TAF4B: variants seen among roughly 807,000 people sequenced by gnomAD.
TAF4B encodes the protein TATA-box binding protein associated factor 4b, also known as transcription initiation factor TFIID subunit 4B.
In TAF4B, 38 loss-of-function variants were observed where a neutral mutation model predicts 86.4. The observed-to-expected ratio is 0.44, with a 90% confidence interval of 0.34 to 0.58. The LOEUF (loss-of-function observed/expected upper bound fraction) is 0.58. TAF4B is among the 20% of genes least tolerant of loss of function. The pLI, the probability that TAF4B is intolerant of heterozygous loss-of-function variation, is 0.02. For missense variants in TAF4B, 988 were observed against 1,027.6 expected, an observed-to-expected ratio of 0.96 and a Z score of 0.53; for synonymous variants, 388 against 391.2, an observed-to-expected ratio of 0.99 and a Z score of 0.10.
intron 9 of TAF4B, among the ~76,000 whole-genome samples, chr18:26,295,988 TTGTGTGTG>T (rs34047998): frequency 1.3e-4 from 19 of 150,106 alleles, no homozygotes; most frequent in Admixed American, 1.2e-3. Flanking sequence ...GTTCACGATT[TTGTGTGTG>T]TGTGTGTGTG....
chr18:26,321,638 TGTTAAAG>T, intron 11 of TAF4B, among the ~76,000 whole-genome samples: 2 of 152,054 alleles, frequency 1.3e-5, no homozygotes, highest in Non-Finnish European at 2.9e-5. Context: ...GTATACAACG[TGTTAAAG>T]ATACACATGT....
At chr18:26,244,039 A>C (rs1371147471) in intron 1 of TAF4B, among the ~76,000 whole-genome samples, 1 of 152,234 alleles carries the variant, frequency 6.6e-6, no homozygotes, top group Non-Finnish European at 1.5e-5. Context: ...TCAGGGACCC[A>C]CTTGAGGAGG....
At chr18:26,338,495 G>GTTTT (rs1568160847) in intron 13 of TAF4B, among the ~76,000 whole-genome samples, 6 of 125,098 alleles carry the variant, frequency 4.8e-5, no homozygotes, top group South Asian at 2.8e-4. Context: ...TTTTTTTTTG[G>GTTTT]GAGACGGAAT....
At chr18:26,275,881 T>TG (rs1395187486) in intron 5 of TAF4B, among the ~76,000 whole-genome samples, 1 of 151,714 alleles carries the variant, frequency 6.6e-6, no homozygotes, top group Non-Finnish European at 1.5e-5. Flanking sequence ...CCAGGTGTGG[T>TG]GGCGCACGCC....
rs1296491971 is a variant in TAF4B, at chr18:26,298,895, C to T, written c.1832+5364C>T. Among the ~76,000 whole-genome samples the T allele has an allele frequency of 2.5e-4, 21 of 83,862 alleles. No individual in the cohort carries two copies. The East Asian group carries it at 7.0e-3, about 28-fold the overall frequency. 55.0% of individuals were successfully genotyped at this position (83,862 alleles called of 152,430 possible). A position where few individuals can be genotyped will look rare whatever the true frequency, so the allele number is the denominator to read the frequency against. On this transcript the variant is annotated intron_variant, in intron 9 of 14. Coordinates refer to ENST00000269142, the MANE Select transcript of TAF4B (RefSeq NM_005640.3). The stretch of plus-strand genomic sequence containing the variant: ...TTTTTTTTTGAGATGGAGTTTTGCT[C>T]TTGTTGCCCAGGCTAGAGTGCAATG...
At chr18:26,342,025 A>G (rs1422457289) in intron 13 of TAF4B, among the ~76,000 whole-genome samples, 1 of 152,198 alleles carries the variant, frequency 6.6e-6, no homozygotes, top group Non-Finnish European at 1.5e-5. Flanking sequence ...AGTTTGATCC[A>G]TGAAATTTTC....
rs528866087 is a variant in TAF4B, at chr18:26,286,366, C to G, written c.1457C>G (p.Pro486Arg). ...GAAICLPSVK[P>R]VVSSAGTTSD... is the part of the protein sequence containing the mutation. Reference sequence around the variant, plus strand: ...GCTATTTGTCTTCCATCTGTGAAACCTGTTGTTTCTTCTGCTGGGACCACA... The same window carrying G: ...GCTATTTGTCTTCCATCTGTGAAACGTGTTGTTTCTTCTGCTGGGACCACA... Residue 486 changes from proline to arginine, a missense_variant, in exon 7 of 15, where the codon CCT becomes CGT. By Grantham distance (103) the Pro-to-Arg change is moderately radical. This residue lies in a region of TAF4B where 747 missense variants were observed against 737.9 expected (regional missense o/e 1.01). Transcript: ENST00000269142. 6.2e-7 allele frequency: 1 copy of G among 1,614,182 alleles called. No homozygotes were observed. The highest frequency in any genetic ancestry group is 1.3e-5 in the African/African-American group (1 of 75,042).
intron 12 of TAF4B, among the ~76,000 whole-genome samples, chr18:26,330,713 C>T (rs140101185): frequency 6.6e-6 from 1 of 152,290 alleles, no homozygotes; most frequent in Non-Finnish European, 1.5e-5. Context: ...TGGATACCTG[C>T]AACTCCAATC....
At chr18:26,236,958 C>T (rs923512317) in intron 1 of TAF4B, among the ~76,000 whole-genome samples, 4 of 152,132 alleles carry the variant, frequency 2.6e-5, no homozygotes, top group South Asian at 2.1e-4. Context: ...TAAGGCCTCC[C>T]GTAGCCGCTG....
intron 9 of TAF4B, among the ~76,000 whole-genome samples, chr18:26,301,795 C>T (rs1360078888): frequency 2.6e-5 from 4 of 152,120 alleles, no homozygotes; most frequent in African/African-American, 9.7e-5. Context: ...TTCTGGCAGC[C>T]TTGGACTTCA....
At chr18:26,339,515 G>A (rs1443845560) in intron 13 of TAF4B, among the ~76,000 whole-genome samples, 1 of 152,088 alleles carries the variant, frequency 6.6e-6, no homozygotes, top group Non-Finnish European at 1.5e-5. Flanking sequence ...TTTGGAAAGT[G>A]GGGGTCTCCC....
chr18:26,255,616 AAAG>A (rs1337698415), intron 1 of TAF4B: 1 of 815,884 alleles, frequency 1.2e-6, no homozygotes, highest in East Asian at 2.5e-5. Flanking sequence ...AAAAAAAAAA[AAAG>A]AGGGTCAGTT....
intron 1 of TAF4B, among the ~76,000 whole-genome samples, chr18:26,240,520 T>C (rs902433043): frequency 4.6e-5 from 7 of 152,240 alleles, no homozygotes; most frequent in African/African-American, 1.7e-4. Context: ...TACAATCATG[T>C]CATCTGCAAA....
At chr18:26,363,636 C>A (rs2057347838) in intron 14 of TAF4B, among the ~76,000 whole-genome samples, 1 of 152,142 alleles carries the variant, frequency 6.6e-6, no homozygotes, top group African/African-American at 2.4e-5. Context: ...GCATTAGTTA[C>A]AATTGTTAGA....
chr18:26,303,061 C>T (rs529689148), intron 9 of TAF4B, among the ~76,000 whole-genome samples: 3 of 110,156 alleles, frequency 2.7e-5, no homozygotes, highest in East Asian at 3.2e-4. Flanking sequence ...CTTTCATACC[C>T]GCTCCACTTT....
chr18:26,328,246 C>T (rs149244126), intron 12 of TAF4B, among the ~76,000 whole-genome samples: 27 of 152,132 alleles, frequency 1.8e-4, no homozygotes, highest in African/African-American at 6.0e-4. Flanking sequence ...GTCAGGAGAT[C>T]GAGACTATCC....
intron 10 of TAF4B, among the ~76,000 whole-genome samples, chr18:26,320,132 T>C (rs2056949677): frequency 6.6e-6 from 1 of 152,224 alleles, no homozygotes. Context: ...TTGATGAGAA[T>C]ATAAGAGTAT....
In TAF4B at chr18:26,239,699, T is replaced by A. The variant is rs895147316; in HGVS notation, c.343+12423T>A. 3.2e-4 allele frequency among the ~76,000 whole-genome samples: 49 copies of A among 152,372 alleles called. 2 individuals are homozygous for A. Among genetic ancestry groups the A allele is most frequent in the African/African-American group, 1.2e-3 (49 of 41,598 alleles). On this transcript the variant is annotated intron_variant, in intron 1 of 14. Transcript: ENST00000269142. ...CTGAATGGTATTGCCTAGGTTTTCT[T>A]CTAGAGTTTTCATGGTTTTAGGTCT... is the stretch of plus-strand genomic sequence containing the variant.
intron 13 of TAF4B, among the ~76,000 whole-genome samples, chr18:26,357,159 C>T (rs2057294648): frequency 3.3e-5 from 5 of 152,110 alleles, no homozygotes; most frequent in Admixed American, 3.3e-4. Context: ...GCCCTAACCT[C>T]TTAGAGCCTT....
Sources: gnomAD v4.1 joint callset for allele counts (sites outside exome capture counted in the v4.1 genomes callset) on GRCh38, gnomAD v4.1.1 for gene constraint, gnomAD v4.1.1 regional missense constraint, MANE v1.5 for transcripts, NCBI Gene and HGNC (gene_info 2026-07-23, HGNC 2026-07-21) for gene names.